Variants in PCDH11X observed in about 807,000 individuals in gnomAD.
PCDH11X encodes the protein protocadherin-11 X-linked.
Under a neutral mutation model 53.3 loss-of-function variants are expected in PCDH11X, and 18 were observed. The ratio of observed to expected loss-of-function variants is 0.34; its 90% CI spans 0.23 to 0.50. The LOEUF is 0.50. PCDH11X is among the 20% of genes least tolerant of loss of function. The probability of loss-of-function intolerance (pLI) is 0.98; values close to 1 mark genes in which losing one functional copy is unlikely to be tolerated. For synonymous variants in PCDH11X, 279 were observed against 393.3 expected, an observed-to-expected ratio of 0.71 and a Z score of 3.44; for missense variants, 570 against 1,032.4, an observed-to-expected ratio of 0.55 and a Z score of 6.14.
intron 10 of PCDH11X, among the ~76,000 whole-genome samples, chrX:92,553,585 C>CT (rs991452419): frequency 5.5e-5 from 6 of 108,999 alleles, no homozygotes; most frequent in East Asian, 5.7e-4. Flanking sequence ...CTATTCTAAT[C>CT]TTTTTTTTCT....
chrX:91,806,828 A>G (rs1255135542), intron 1 of PCDH11X, among the ~76,000 whole-genome samples: 1 of 111,908 alleles, frequency 8.9e-6, no homozygotes, highest in East Asian at 2.8e-4. Flanking sequence ...ACATAGCAAA[A>G]TGTACACAAC....
chrX:92,111,894 C>T (rs1000676431), intron 6 of PCDH11X, among the ~76,000 whole-genome samples: 1 of 109,805 alleles, frequency 9.1e-6, no homozygotes, highest in African/African-American at 3.3e-5. Context: ...GTAGCTGGGA[C>T]TACAGGCGCC....
At chrX:92,098,634 CTCT>C (rs1569353555) in intron 6 of PCDH11X, among the ~76,000 whole-genome samples, 2 of 67,872 alleles carry the variant, frequency 2.9e-5, no homozygotes, top group African/African-American at 5.6e-5. Context: ...GCTCCAAATG[CTCT>C]TTTTTTTTTT....
At chrX:92,225,565 G>C (rs1187044131) in intron 7 of PCDH11X, among the ~76,000 whole-genome samples, 1 of 111,518 alleles carries the variant, frequency 9.0e-6, no homozygotes, top group East Asian at 2.8e-4. Flanking sequence ...CAAAAGAAGT[G>C]ATTACATTTG....
At chrX:92,345,489 A>G (rs183639772) in intron 8 of PCDH11X, among the ~76,000 whole-genome samples, 1 of 110,598 alleles carries the variant, frequency 9.0e-6, no homozygotes, top group African/African-American at 3.3e-5. Context: ...CCAACTCTAC[A>G]CTAGAAATAT....
chrX:91,952,139 G>A (rs1012735282), intron 6 of PCDH11X, among the ~76,000 whole-genome samples: 1 of 111,276 alleles, frequency 9.0e-6, no homozygotes. Context: ...GCAAACTTTC[G>A]TGAATATCTG....
chrX:92,465,385 ACTT>A (rs1477313110), intron 9 of PCDH11X, among the ~76,000 whole-genome samples: 2 of 112,057 alleles, frequency 1.8e-5, no homozygotes, highest in Non-Finnish European at 3.8e-5. Flanking sequence ...AAATGTTTTC[ACTT>A]CTTATTTATT....
intron 9 of PCDH11X, among the ~76,000 whole-genome samples, chrX:92,455,203 T>C: frequency 9.2e-6 from 1 of 108,857 alleles, no homozygotes; most frequent in African/African-American, 3.3e-5. Context: ...TGATTTAGAT[T>C]ATATAGTTCA....
intron 9 of PCDH11X, among the ~76,000 whole-genome samples, chrX:92,403,394 A>T (rs1277853943): frequency 1.3e-5 from 1 of 76,068 alleles, no homozygotes; most frequent in Admixed American, 2.0e-4. Context: ...TTTTATGCAT[A>T]TCTCCTGGGG....
At chrX:91,972,292 G>T (rs1259553235) in intron 6 of PCDH11X, among the ~76,000 whole-genome samples, 2 of 95,983 alleles carry the variant, frequency 2.1e-5, no homozygotes, top group Non-Finnish European at 4.2e-5. Context: ...TTTTGATGGG[G>T]TTGTTTGTTT....
chrX:92,600,492 G>T (rs1412853448), intron 10 of PCDH11X, among the ~76,000 whole-genome samples: 1 of 111,223 alleles, frequency 9.0e-6, no homozygotes, highest in African/African-American at 3.3e-5. Flanking sequence ...TGTGGTATTG[G>T]GCCTGTGGGT....
intron 6 of PCDH11X, among the ~76,000 whole-genome samples, chrX:92,068,604 A>G (rs1035062276): frequency 1.8e-5 from 2 of 109,946 alleles, no homozygotes; most frequent in Non-Finnish European, 3.8e-5. Flanking sequence ...CAGTTGTGTG[A>G]TCTCGGCTTA....
chrX:91,922,668 G>A lies in PCDH11X; in HGVS notation c.3033+43395G>A, dbSNP rs142403160. ...TGCATGCGAGGGATCTAGGTTGTGC[G>A]TTCCTTGTAATCTAATGCCTGACTA... On this transcript the variant is annotated intron_variant, in intron 6 of 10. Transcript: ENST00000682573. 6.9e-3 allele frequency among the ~76,000 whole-genome samples: 777 copies of A among 112,231 alleles called. 5 individuals are homozygous for A. The highest frequency in any genetic ancestry group is 0.024 in the African/African-American group (739 of 30,912).
chrX:92,111,898 A>G (rs1453911320), intron 6 of PCDH11X, among the ~76,000 whole-genome samples: 15 of 109,665 alleles, frequency 1.4e-4, no homozygotes, highest in Non-Finnish European at 2.8e-4. Context: ...CTGGGACTAC[A>G]GGCGCCCGCC....
At chrX:92,152,740 A>G (rs1449139026) in intron 6 of PCDH11X, among the ~76,000 whole-genome samples, 3 of 102,672 alleles carry the variant, frequency 2.9e-5, no homozygotes, top group African/African-American at 1.0e-4. Flanking sequence ...AATATTTTCT[A>G]TATTTTTATT....
chrX:92,101,839 G>T (rs2064260230), intron 6 of PCDH11X, among the ~76,000 whole-genome samples: 1 of 110,974 alleles, frequency 9.0e-6, no homozygotes, highest in African/African-American at 3.3e-5. Context: ...AGGAGTAGTA[G>T]AATAGCAGAT....
At chrX:92,118,467 T>A (rs1164970933) in intron 6 of PCDH11X, among the ~76,000 whole-genome samples, 1 of 107,767 alleles carries the variant, frequency 9.3e-6, no homozygotes, top group Non-Finnish European at 1.9e-5. Context: ...ATATATGTAT[T>A]GACTCATTCC....
At chrX:92,092,275 C>A (rs2148120555) in intron 6 of PCDH11X, among the ~76,000 whole-genome samples, 1 of 111,530 alleles carries the variant, frequency 9.0e-6, no homozygotes, top group South Asian at 3.8e-4. Flanking sequence ...CAGAACTTTA[C>A]AAGGTAATAC....
chrX:92,380,045 C>T (rs1233895564), intron 8 of PCDH11X, among the ~76,000 whole-genome samples: 1 of 100,163 alleles, frequency 1.0e-5, no homozygotes, highest in Non-Finnish European at 2.1e-5. Context: ...AGAGCTGTGC[C>T]CTTTGGGGAG....
Sources: allele counts gnomAD v4.1 joint callset (sites outside exome capture counted in the v4.1 genomes callset), GRCh38; gene constraint gnomAD v4.1.1; transcripts MANE v1.5; gene names NCBI Gene and HGNC (gene_info 2026-07-23, HGNC 2026-07-21).